Variants in KDM4C observed in about 807,000 individuals in gnomAD.
KDM4C encodes lysine-specific demethylase 4C.
KDM4C carries 81 observed loss-of-function variants against 129.3 expected under a neutral mutation model. That is an observed-to-expected ratio of 0.63 (90% CI 0.52 to 0.75). The LOEUF is 0.75. KDM4C is among the 30% of genes least tolerant of loss of function. The pLI is 0.00. For synonymous variants in KDM4C, 573 were observed against 456.1 expected (o/e 1.26, Z -3.26); for missense variants, 1,457 against 1,304.0 (o/e 1.12, Z -1.81).
At chr9:6,765,849 T>C (rs1588126547) in intron 1 of KDM4C, among the ~76,000 whole-genome samples, 1 of 152,154 alleles carries the variant, frequency 6.6e-6, no homozygotes, top group East Asian at 1.9e-4. Context: ...AGTGCAGTGG[T>C]GTGATCTCGG....
chr9:6,851,191 C>G (rs1838781650), intron 5 of KDM4C, among the ~76,000 whole-genome samples: 1 of 152,108 alleles, frequency 6.6e-6, no homozygotes, highest in Non-Finnish European at 1.5e-5. Flanking sequence ...GTTGTCCAGG[C>G]CGGTGCTGAC....
chr9:7,019,801 A>G (rs1258458571), intron 15 of KDM4C, among the ~76,000 whole-genome samples: 1 of 147,256 alleles, frequency 6.8e-6, no homozygotes, highest in East Asian at 2.0e-4. Flanking sequence ...TTAGAAGCAA[A>G]GACATCTTAT....
At chr9:6,904,544 G>GCAGAT (rs572556636) in intron 8 of KDM4C, among the ~76,000 whole-genome samples, 7 of 152,174 alleles carry the variant, frequency 4.6e-5, no homozygotes, top group Admixed American at 1.3e-4. Flanking sequence ...TGGGTGCAGA[G>GCAGAT]CAGATGGTAG....
At chr9:6,893,273 A>G in intron 8 of KDM4C, 41 bp downstream of exon 8, 6 of 1,549,412 alleles carry the variant, frequency 3.9e-6, no homozygotes, top group Non-Finnish European at 5.3e-6. Flanking sequence ...TTAAATGTGT[A>G]TTCTGGTTAT....
rs151086002 is a variant in KDM4C at position 7,003,368 on chromosome 9, C to T, written c.1787-8330C>T. Among the ~76,000 whole-genome samples the T allele has an allele frequency of 2.4e-4, 37 of 151,156 alleles. 1 individual carries two copies. Among genetic ancestry groups the T allele is most frequent in the Admixed American group, 5.9e-4 (9 of 15,186 alleles). Reference sequence around the variant, plus strand: ...AATGTTCTGTAAGAAACTTCAGCCACGCTGGTAATGCCATAGTTCCTGGTG... The same window carrying T: ...AATGTTCTGTAAGAAACTTCAGCCATGCTGGTAATGCCATAGTTCCTGGTG... On this transcript the variant is annotated intron_variant, in intron 12 of 21. Transcript: ENST00000381309.
intron 12 of KDM4C, among the ~76,000 whole-genome samples, chr9:7,001,047 C>T (rs972326694): frequency 3.3e-5 from 5 of 152,318 alleles, no homozygotes; most frequent in Non-Finnish European, 7.3e-5. Context: ...AGACTTCCAG[C>T]TAGTGAATGG....
At chr9:6,803,387 A>G (rs1829363046) in intron 2 of KDM4C, among the ~76,000 whole-genome samples, 2 of 152,020 alleles carry the variant, frequency 1.3e-5, no homozygotes, top group Admixed American at 6.6e-5. Context: ...CCTGGCCAAC[A>G]TGGTGAAAAC....
At chr9:7,161,094 G>T (rs957859972) in intron 19 of KDM4C, among the ~76,000 whole-genome samples, 1 of 152,152 alleles carries the variant, frequency 6.6e-6, no homozygotes, top group South Asian at 2.1e-4. Context: ...AGACTGCTGC[G>T]CTAGCAGTGA....
chr9:6,965,471 G>C (rs1213799025), intron 8 of KDM4C, among the ~76,000 whole-genome samples: 1 of 152,098 alleles, frequency 6.6e-6, no homozygotes, highest in Admixed American at 6.5e-5. Context: ...AATACCAGCA[G>C]GATATGTGTG....
chr9:6,940,043 T>TTCCCTCCTTCCC (rs1240189001), intron 8 of KDM4C, among the ~76,000 whole-genome samples: 1 of 129,230 alleles, frequency 7.7e-6, no homozygotes, highest in Non-Finnish European at 1.7e-5. Flanking sequence ...CTTTCCTTCC[T>TTCCCTCCTTCCC]TCCCTCCTTC....
At chr9:7,005,015 C>T (rs1821402753) in intron 12 of KDM4C, among the ~76,000 whole-genome samples, 1 of 152,162 alleles carries the variant, frequency 6.6e-6, no homozygotes, top group Non-Finnish European at 1.5e-5. Context: ...CAGCGAGACT[C>T]ACATTTATTC....
At chr9:6,741,918 T>C (rs1311148092) in intron 1 of KDM4C, among the ~76,000 whole-genome samples, 1 of 151,242 alleles carries the variant, frequency 6.6e-6, no homozygotes, top group Non-Finnish European at 1.5e-5. Flanking sequence ...ACAAATACAG[T>C]TTTTTCTTTT....
intron 8 of KDM4C, among the ~76,000 whole-genome samples, chr9:6,928,561 C>T (rs1198415827): frequency 5.9e-5 from 9 of 151,630 alleles, no homozygotes; most frequent in Non-Finnish European, 1.2e-4. Context: ...TCAAATGTTA[C>T]GTCGGTATCC....
chr9:6,847,253 G>C (rs1027624411), intron 4 of KDM4C, among the ~76,000 whole-genome samples: 1 of 152,112 alleles, frequency 6.6e-6, no homozygotes, highest in Non-Finnish European at 1.5e-5. Flanking sequence ...TTTTAAATAG[G>C]ACTCTATTAT....
At chr9:6,784,375 C>G (rs1825021616) in intron 1 of KDM4C, among the ~76,000 whole-genome samples, 1 of 152,074 alleles carries the variant, frequency 6.6e-6, no homozygotes, top group South Asian at 2.1e-4. Flanking sequence ...ACTACGGGTA[C>G]ATGCCACCAT....
intron 5 of KDM4C, among the ~76,000 whole-genome samples, chr9:6,876,489 G>A (rs546795300): frequency 1.3e-5 from 2 of 152,292 alleles, no homozygotes; most frequent in East Asian, 1.9e-4. Context: ...CTTGTTTAAC[G>A]TGCGTTCCCC....
chr9:7,091,692 C>T (rs1272006313), intron 17 of KDM4C, among the ~76,000 whole-genome samples: 1 of 152,048 alleles, frequency 6.6e-6, no homozygotes, highest in African/African-American at 2.4e-5. Flanking sequence ...ATCTGAGAAA[C>T]ATAGACTGAG....
intron 5 of KDM4C, among the ~76,000 whole-genome samples, chr9:6,879,259 G>A (rs1844074828): frequency 6.6e-6 from 1 of 152,062 alleles, no homozygotes; most frequent in Admixed American, 6.6e-5. Flanking sequence ...TCATTAAAAT[G>A]CCTTTACAAT....
At chr9:6,979,766 A>G (rs944929835) in intron 8 of KDM4C, among the ~76,000 whole-genome samples, 2 of 152,178 alleles carry the variant, frequency 1.3e-5, no homozygotes, top group Non-Finnish European at 2.9e-5. Context: ...GGATGCTGGC[A>G]GAAGGAATTG....
Sources: allele counts gnomAD v4.1 joint callset (sites outside exome capture counted in the v4.1 genomes callset), GRCh38; gene constraint gnomAD v4.1.1; transcripts MANE v1.5; gene names NCBI Gene and HGNC (gene_info 2026-07-23, HGNC 2026-07-21).